Variants in MUC6 observed in about 807,000 individuals in gnomAD.
MUC6 encodes the protein mucin 6, oligomeric mucus/gel-forming (gene/pseudogene).
In MUC6, 188 loss-of-function variants were observed where a neutral mutation model predicts 201.5. That is an observed-to-expected ratio of 0.93 (90% confidence interval 0.83 to 1.05). MUC6 has a LOEUF of 1.05. Ranked by LOEUF, MUC6 falls within the 50% of genes least tolerant of loss-of-function variation. The pLI, the probability that MUC6 is intolerant of heterozygous loss-of-function variation, is 0.00. For missense variants in MUC6, 2,706 were observed against 3,256.9 expected, an observed-to-expected ratio of 0.83 and a Z score of 4.12; for synonymous variants, 1,228 against 1,389.4, an observed-to-expected ratio of 0.88 and a Z score of 2.58.
At chr11:1,036,400 C>T (rs1333795541) in intron 1 of MUC6, among the ~76,000 whole-genome samples, 2 of 152,170 alleles carry the variant, frequency 1.3e-5, no homozygotes, top group African/African-American at 2.4e-5. Context: ...GTCCCTGACC[C>T]CAATTGGCAG....
chr11:1,032,298 C>T (rs914337652), intron 2 of MUC6, among the ~76,000 whole-genome samples: 9 of 151,898 alleles, frequency 5.9e-5, no homozygotes, highest in Admixed American at 2.0e-4. Flanking sequence ...TGTGTGTGCA[C>T]GTGTGTGCAC....
intron 24 of MUC6, 85 bp downstream of exon 24, chr11:1,024,759 C>G (rs974959242): frequency 6.6e-7 from 1 of 1,508,266 alleles, no homozygotes; most frequent in African/African-American, 1.4e-5. Context: ...GAGGGAGAAC[C>G]GTGCCTGGCT....
rs760565218 is a variant in MUC6 at position 1,031,849 on chromosome 11, G to A, written c.320C>T (p.Thr107Ile). The A allele has an allele frequency of 1.2e-6, 2 of 1,612,104 alleles. No homozygotes were observed. The highest frequency in any genetic ancestry group is 2.2e-5 in the South Asian group (2 of 90,920). The change falls in exon 3 of 33, where the codon ACT (threonine) becomes ATT (isoleucine). Residue 107 changes from threonine (T) to isoleucine (I), a missense_variant. By Grantham distance (89) the Thr-to-Ile change is moderately conservative (BLOSUM62 -1). This residue lies in a region of MUC6 where 1,850 missense variants were observed against 1,958.3 expected (regional missense o/e 0.94). Transcript: ENST00000421673. Reference sequence around the variant, plus strand: ...GACTGAGATGATGGCTTCGCTCACAGTGACGACGGAGGCCCCCAGCTCCAC... The same window carrying A: ...GACTGAGATGATGGCTTCGCTCACAATGACGACGGAGGCCCCCAGCTCCAC... The part of the protein sequence containing the change: ...IIVELGASVV[T>I]VSEAIISVKD...
chr11:1,019,867 G>T, intron 29 of MUC6: 1 of 706,042 alleles, frequency 1.4e-6, no homozygotes, highest in Non-Finnish European at 2.5e-6. Flanking sequence ...TCTAGTGACA[G>T]CAGCCAGCAG....
chr11:1,029,748 G>GC (rs533025573), intron 8 of MUC6, 133 bp from the exon 9 acceptor site: 18 of 1,224,426 alleles, frequency 1.5e-5, no homozygotes, highest in African/African-American at 1.4e-4. Context: ...CCAGGGAGAC[G>GC]CCCCTCCAGC....
chr11:1,023,602 A>G lies in MUC6; in HGVS notation c.3433T>C (p.Tyr1145His). Residue 1145 changes from tyrosine (Y) to histidine (H), a missense_variant, in exon 26 of 33, where the codon TAC becomes CAC. Physicochemically the swap from Tyr to His is moderately conservative, Grantham distance 83 (BLOSUM62 2). Coordinates refer to ENST00000421673, the MANE Select transcript of MUC6 (RefSeq NM_005961.3). ...NTHTQDGHGE[Y>H]QYTQEANCTW... ...CAGTTGGCCTCCTGTGTGTACTGGTACTCGCCATGGCCGTCCTGCGTGTGC... is the reference window on the plus strand; with the variant it reads ...CAGTTGGCCTCCTGTGTGTACTGGTGCTCGCCATGGCCGTCCTGCGTGTGC... 6.2e-7 allele frequency: 1 copy of G among 1,612,996 alleles called. No individual in the cohort carries two copies. Among genetic ancestry groups the G allele is most frequent in the Non-Finnish European group, 8.5e-7 (1 of 1,179,814 alleles).
chr11:1,026,906 C>T lies in MUC6; in HGVS notation c.2394+35G>A, dbSNP rs372142462. 1.6e-3 allele frequency: 2,463 copies of T among 1,509,898 alleles called. 4 individuals carry two copies. Among genetic ancestry groups the T allele is most frequent in the Non-Finnish European group, 1.9e-3 (2,166 of 1,112,874 alleles). 93.5% of individuals were successfully genotyped at this position (1,509,898 alleles called of 1,614,324 possible). A position where few individuals can be genotyped will look rare whatever the true frequency, so the allele number is the denominator to read the frequency against. On this transcript the variant is annotated intron_variant, in intron 19 of 32. Transcript: ENST00000421673. ...ACCCCCTCATGGTTCAGCTGGGGCC[C>T]GGGCATTGTCCCTGCTCCTCGCGCG...
At position 1,014,069 on chromosome 11, in the gene MUC6, G is replaced by A. The variant is rs143452209; in HGVS notation, c.7040-68C>T. On this transcript the variant is annotated intron_variant, in intron 31 of 32. Transcript: ENST00000421673. ...GGAGCGAGGAGGGAGGGAAACCCTG[G>A]CTAGAGACCGGGGTCCCCACCTGTC... 10,266 of 1,384,958 alleles carry A rather than the reference G, an allele frequency of 7.4e-3. 62 individuals carry two copies. Among genetic ancestry groups the A allele is most frequent in the Non-Finnish European group, 8.6e-3 (8,698 of 1,013,218 alleles). 85.8% of individuals were successfully genotyped at this position (1,384,958 alleles called of 1,614,324 possible).
intron 29 of MUC6, 93 bp downstream of exon 29, chr11:1,019,997 C>T (rs750749424): frequency 3.7e-5 from 54 of 1,449,516 alleles, no homozygotes; most frequent in Admixed American, 5.9e-5. Flanking sequence ...AGATGTGAGC[C>T]AGGAAGCAGG....
Position 1,025,876 on chromosome 11 carries a change from T to A in MUC6, c.2728A>T (p.Ile910Phe). The change falls in exon 22 of 33, where the codon ATC becomes TTC. Residue 910 changes from isoleucine (I) to phenylalanine (F), a missense_variant. Physicochemically the swap from Ile to Phe is conservative, Grantham distance 21. Transcript: ENST00000421673. ...CCACAGATGACGTTCTCTGTCAGGA[T>A]CTTGAAGGTGGGCTGTGAGTCGTTG... The part of the protein sequence containing the change: ...GVNDSQPTFK[I>F]LTENVICGNS... 1 of 1,612,612 alleles carries A rather than the reference T, an allele frequency of 6.2e-7. No homozygotes were observed. Among genetic ancestry groups the A allele is most frequent in the Non-Finnish European group, 8.5e-7 (1 of 1,179,632 alleles).
intron 8 of MUC6, among the ~76,000 whole-genome samples, chr11:1,029,994 C>T (rs967607794): frequency 2.0e-5 from 3 of 152,192 alleles, no homozygotes; most frequent in Admixed American, 1.3e-4. Context: ...CAGCCCTCAC[C>T]GCCCGTGGGT....
At chr11:1,031,138 C>G in intron 5 of MUC6, 31 bp downstream of exon 5, 3 of 1,369,820 alleles carry the variant, frequency 2.2e-6, no homozygotes, top group Non-Finnish European at 2.0e-6. Context: ...AGAGGCCCCC[C>G]CAGAGGCCCC....
intron 22 of MUC6, 148 bp from the exon 23 acceptor site, chr11:1,025,515 A>G: frequency 1.0e-6 from 1 of 985,984 alleles, no homozygotes; most frequent in South Asian, 1.6e-5. Context: ...TTGGGGCAGA[A>G]GGGCCTGGCA....
In MUC6 at chr11:1,031,214, C is replaced by A. The variant is rs756965928; in HGVS notation, c.529G>T (p.Gly177Trp). Reference protein sequence around the residue: ...KYMGQMCGLCGNFDGKVTNEF... With the variant: ...KYMGQMCGLCWNFDGKVTNEF... Reference sequence around the variant, plus strand: ...TTGGTCACCTTCCCGTCAAAGTTCCCGCAGAGCCCGCACATCTGACCCATG... The same window carrying A: ...TTGGTCACCTTCCCGTCAAAGTTCCAGCAGAGCCCGCACATCTGACCCATG... Residue 177 changes from glycine to tryptophan, a missense_variant, in exon 5 of 33, where the codon GGG becomes TGG. Gly to Trp is a radical substitution (Grantham distance 184). Around this residue, in one of 10 missense-constraint regions of MUC6, gnomAD observed 1,850 missense variants for 1,958.3 expected, o/e 0.94. Transcript: ENST00000421673. 6.3e-7 allele frequency: 1 copy of A among 1,587,092 alleles called. No homozygotes were observed. Among genetic ancestry groups the A allele is most frequent in the East Asian group, 2.3e-5 (1 of 43,038 alleles).
intron 1 of MUC6, among the ~76,000 whole-genome samples, chr11:1,035,080 A>G (rs1313584373): frequency 6.6e-6 from 1 of 152,024 alleles, no homozygotes; most frequent in Non-Finnish European, 1.5e-5. Context: ...TTCCTTCTGC[A>G]CGCTTGGCGG....
rs986609033 is a variant in MUC6 at position 1,021,126 on chromosome 11, G to C, written c.3589+89C>G. On this transcript the variant is annotated intron_variant, in intron 27 of 32. Coordinates refer to ENST00000421673, the MANE Select transcript of MUC6 (RefSeq NM_005961.3). ...CACGTAAGGGCTCACAGCCCCCGAG[G>C]GCTCTCTCCCTTGTTTGTGGGATGT... 20 of 1,287,098 alleles carry C rather than the reference G, an allele frequency of 1.6e-5. No individual in the cohort carries two copies. In the African/African-American group the frequency reaches 2.4e-4, roughly 16 times the overall value. The allele number at this position is 1,287,098 out of a possible 1,614,324, so 79.7% of individuals were successfully genotyped here.
Position 1,024,997 on chromosome 11 carries a change from C to T in MUC6, c.3072G>A (p.Glu1024=). The T allele has an allele frequency of 3.1e-6, 5 of 1,613,170 alleles. No homozygotes were observed. Among genetic ancestry groups the T allele is most frequent in the Non-Finnish European group, 4.2e-6 (5 of 1,179,874 alleles). ...ETRSRYVASS[E]LELVNSWKES... Reference sequence around the variant, plus strand: ...CCTTCCACGAGTTCACCAACTCCAGCTCGCTGGATGCCACGTACCTGCTGC... The same window carrying T: ...CCTTCCACGAGTTCACCAACTCCAGTTCGCTGGATGCCACGTACCTGCTGC... Residue 1024 remains glutamate (E), a synonymous_variant, in exon 24 of 33, where the codon GAG becomes GAA. Transcript: ENST00000421673.
chr11:1,031,449 G>A (rs1189131402), intron 4 of MUC6, among the ~76,000 whole-genome samples, 158 bp downstream of exon 4: 1 of 152,154 alleles, frequency 6.6e-6, no homozygotes, highest in East Asian at 1.9e-4. Context: ...CCTGGCTCAT[G>A]TTGCTGGTCA....
intron 26 of MUC6, among the ~76,000 whole-genome samples, chr11:1,021,514 G>T (rs1039837616): frequency 2.6e-5 from 4 of 152,076 alleles, no homozygotes; most frequent in African/African-American, 9.7e-5. Context: ...GCGATTGCAG[G>T]CATGTGCCAT....
Sources: gnomAD v4.1 joint callset for allele counts (sites outside exome capture counted in the v4.1 genomes callset) on GRCh38, gnomAD v4.1.1 for gene constraint, gnomAD v4.1.1 regional missense constraint, MANE v1.5 for transcripts, NCBI Gene and HGNC (gene_info 2026-07-23, HGNC 2026-07-21) for gene names.